The following ANKS6 variants were observed in gnomAD, a reference collection of about 807,000 sequenced individuals.
The protein encoded by ANKS6 is ankyrin repeat and sterile alpha motif domain containing 6.
A neutral mutation model predicts 77.9 loss-of-function variants in ANKS6; 47 were observed. That is an observed-to-expected ratio of 0.60 (90% CI 0.48 to 0.77). The LOEUF is 0.77. ANKS6 is among the 30% of genes least tolerant of loss of function. ANKS6 has a pLI of 0.00. For missense variants in ANKS6, 1,150 were observed against 1,159.1 expected, an observed-to-expected ratio of 0.99 and a Z score of 0.11; for synonymous variants, 488 against 501.7, an observed-to-expected ratio of 0.97 and a Z score of 0.37.
chr9:98,796,301 G>T lies in ANKS6; in HGVS notation c.191C>A (p.Ala64Glu). Residue 64 changes from alanine (A) to glutamate (E), a missense_variant, in exon 1 of 15, where the codon GCA (alanine) becomes GAA (glutamate). Ala to Glu is a moderately radical substitution (Grantham distance 107). Coordinates refer to ENST00000353234, the MANE Select transcript of ANKS6 (RefSeq NM_173551.5). Reference sequence around the variant, plus strand: ...ATCCACGGGCACCGGAGCCCCGACTGCCCCCGCCGCTGCGGCCCCGGGCCC... The same window carrying T: ...ATCCACGGGCACCGGAGCCCCGACTTCCCCCGCCGCTGCGGCCCCGGGCCC... ...VAGPGAAAAG[A>E]VGAPVPVDCS... 1 of 1,260,964 alleles carries T rather than the reference G, an allele frequency of 7.9e-7. No individual in the cohort carries two copies. Among genetic ancestry groups the T allele is most frequent in the Non-Finnish European group, 1.0e-6 (1 of 1,002,436 alleles). The allele number at this position is 1,260,964 out of a possible 1,614,324, so 78.1% of individuals were successfully genotyped here. A position where few individuals can be genotyped will look rare whatever the true frequency, so the allele number is the denominator to read the frequency against.
At chr9:98,780,455 A>G (rs1209538733) in intron 5 of ANKS6, 118 bp from the exon 6 acceptor site, 2 of 1,241,212 alleles carry the variant, frequency 1.6e-6, no homozygotes, top group Non-Finnish European at 1.1e-6. Context: ...GGGTCTGTGT[A>G]ATTCCAGAAT....
intron 2 of ANKS6, 190 bp downstream of exon 2, chr9:98,789,914 G>T (rs906185206): frequency 1.6e-5 from 13 of 793,132 alleles, no homozygotes; most frequent in Non-Finnish European, 3.7e-6. Context: ...ACTCTGCAGA[G>T]AGTGGGCCCA....
rs1386361388 is a variant in ANKS6, at chr9:98,796,453, C to T, written c.39G>A (p.Leu13=). 12 of 993,826 alleles carry T rather than the reference C, an allele frequency of 1.2e-5. No homozygotes were observed. The Admixed American group carries it at 5.5e-4, about 46-fold the overall frequency. The allele number at this position is 993,826 out of a possible 1,614,324, so 61.6% of individuals were successfully genotyped here. The change falls in exon 1 of 15, where the codon CTG becomes CTA. Residue 13 remains leucine (L), a synonymous_variant. Transcript: ENST00000353234. ...EGGLPPAFQL[L]LRACDQGDTE... ...TGTCGCCCTGGTCACACGCGCGCAG[C>T]AGCAGCTGGAAGGCCGGGGGCAGCC... is the stretch of plus-strand genomic sequence containing the variant.
chr9:98,789,193 T>C (rs78570866), intron 2 of ANKS6, among the ~76,000 whole-genome samples: 1 of 152,158 alleles, frequency 6.6e-6, no homozygotes, highest in South Asian at 2.1e-4. Flanking sequence ...TCTTCAGTGC[T>C]TGACCTCTCA....
chr9:98,781,097 G>A (rs1254711799), intron 5 of ANKS6, among the ~76,000 whole-genome samples: 5 of 152,090 alleles, frequency 3.3e-5, no homozygotes, highest in East Asian at 1.9e-4. Context: ...ATGGGGTTTC[G>A]TCATGTTGGC....
In ANKS6 at chr9:98,745,661, C is replaced by T. The variant is rs373756771; in HGVS notation, c.2409G>A (p.Ala803=). The change falls in exon 14 of 15, where the codon GCG becomes GCA. Residue 803 remains alanine, a synonymous_variant. Transcript: ENST00000353234. ...IFEEQEVDME[A]FLTLTDGDLK... is the part of the protein sequence containing the mutation. ...AGTCACCGTCAGTCAGTGTGAGGAA[C>T]GCTTCCATGTCCACCTGGGGAGAGA... The T allele has an allele frequency of 1.0e-4, 164 of 1,613,832 alleles. No homozygotes were observed. The African/African-American group carries it at 1.8e-3, about 18-fold the overall frequency.
At position 98,791,739 on chromosome 9, in the gene ANKS6, C is replaced by T. The variant is rs61683108; in HGVS notation, c.360-1133G>A. Among the ~76,000 whole-genome samples, 4,398 of 152,192 alleles carry T rather than the reference C, an allele frequency of 0.029. 200 individuals are homozygous for T. Among genetic ancestry groups the T allele is most frequent in the African/African-American group, 0.1 (4,189 of 41,514 alleles). The stretch of plus-strand genomic sequence containing the variant: ...TCCTTCCCGGGAGCCAGTTTTGCAC[C>T]TCATCTAAACCCAAGACCTCCCTCC... On this transcript the variant is annotated intron_variant, in intron 1 of 14. Coordinates refer to ENST00000353234, the MANE Select transcript of ANKS6 (RefSeq NM_173551.5). This position sits in a 1 kb window ranked among gnomAD's most constrained non-coding sequence, Gnocchi z 4.3.
rs199530402 is a variant in ANKS6 at position 98,790,323 on chromosome 9, C to T, written c.643G>A (p.Ala215Thr). The change falls in exon 2 of 15, where the codon GCG becomes ACG. Residue 215 changes from alanine to threonine, a missense_variant. Coordinates refer to ENST00000353234, the MANE Select transcript of ANKS6 (RefSeq NM_173551.5). The stretch of plus-strand genomic sequence containing the variant: ...GTCCGGGCTGCGTGGTTGGGGTCCG[C>T]GCCCCACTCCATCAGTAGACGCACC... The part of the protein sequence containing the change: ...AVVRLLMEWG[A>T]DPNHAARTVG... 5.5e-5 allele frequency: 89 copies of T among 1,609,696 alleles called. 1 individual carries two copies. Among genetic ancestry groups the T allele is most frequent in the Admixed American group, 3.7e-4 (22 of 59,972 alleles).
At chr9:98,767,989 T>C (rs111392118) in intron 11 of ANKS6, 92 bp downstream of exon 11, 1 of 1,461,530 alleles carries the variant, frequency 6.8e-7, no homozygotes, top group Non-Finnish European at 9.1e-7. Flanking sequence ...TCCTGTCCCA[T>C]GACTAAGGCA....
At chr9:98,780,366 T>C in intron 5 of ANKS6, 29 bp from the exon 6 acceptor site, 1 of 1,553,220 alleles carries the variant, frequency 6.4e-7, no homozygotes. Context: ...TCATTTTACC[T>C]GCAAATATGT....
chr9:98,756,364 G>T (rs1832699990), intron 12 of ANKS6, 56 bp downstream of exon 12: 1 of 1,571,666 alleles, frequency 6.4e-7, no homozygotes, highest in Non-Finnish European at 8.6e-7. Context: ...GTTCCTTGCT[G>T]CCAGGTCATC....
intron 14 of ANKS6, among the ~76,000 whole-genome samples, chr9:98,739,990 C>T (rs969679113): frequency 1.3e-5 from 2 of 151,824 alleles, no homozygotes; most frequent in African/African-American, 4.8e-5. Context: ...CTCCTGACCT[C>T]GTGATCCGCC....
chr9:98,763,491 T>C (rs143127831), intron 11 of ANKS6, among the ~76,000 whole-genome samples: 171 of 152,092 alleles, frequency 1.1e-3, no homozygotes, highest in Middle Eastern at 0.01. Context: ...AAGCATCACA[T>C]AGAGGTAAAT....
chr9:98,774,660 C>A (rs1458361532), intron 8 of ANKS6, among the ~76,000 whole-genome samples: 1 of 152,202 alleles, frequency 6.6e-6, no homozygotes, highest in South Asian at 2.1e-4. Flanking sequence ...CCCAGCCCCC[C>A]ACATCCCAGC....
chr9:98,753,117 G>A (rs1458137341), intron 12 of ANKS6, among the ~76,000 whole-genome samples: 4 of 151,868 alleles, frequency 2.6e-5, no homozygotes, highest in African/African-American at 9.7e-5. Flanking sequence ...TGATATAAAG[G>A]ATTTATAGCA....
At chr9:98,792,801 G>C (rs1018026386) in intron 1 of ANKS6, among the ~76,000 whole-genome samples, 7 of 152,096 alleles carry the variant, frequency 4.6e-5, no homozygotes, top group Admixed American at 2.6e-4. Flanking sequence ...AGTTGCACCT[G>C]GACTCAAAAT....
intron 10 of ANKS6, among the ~76,000 whole-genome samples, chr9:98,769,613 T>G (rs1833513304): frequency 6.6e-6 from 1 of 152,178 alleles, no homozygotes; most frequent in South Asian, 2.1e-4. Flanking sequence ...AAAAAGCAAG[T>G]TACAGAGCAG....
chr9:98,764,650 A>C (rs768960736), intron 11 of ANKS6, among the ~76,000 whole-genome samples: 1 of 152,180 alleles, frequency 6.6e-6, no homozygotes, highest in Non-Finnish European at 1.5e-5. Context: ...CCTCAAGTCT[A>C]CTGAGGTGCC....
In ANKS6 at chr9:98,735,006, G is replaced by A; in HGVS notation, c.*1513C>T. 2.0e-6 allele frequency: 2 copies of A among 985,470 alleles called. No homozygotes were observed. Among genetic ancestry groups the A allele is most frequent in the Non-Finnish European group, 2.4e-6 (2 of 829,952 alleles). The allele number at this position is 985,470 out of a possible 1,614,324, so 61.0% of individuals were successfully genotyped here. On this transcript the variant is annotated 3_prime_UTR_variant, in exon 15 of 15. Transcript: ENST00000353234. ...AGTTAACGACAGCCTCTGAAAGCCA[G>A]CATAGGGGAATGGGCTTTCATGGCT...
Sources: allele counts gnomAD v4.1 joint callset (sites outside exome capture counted in the v4.1 genomes callset), GRCh38; gene constraint gnomAD v4.1.1; non-coding constraint Gnocchi (gnomAD v3.1); transcripts MANE v1.5; gene names NCBI Gene and HGNC (gene_info 2026-07-23, HGNC 2026-07-21).